NAV2: variants seen among roughly 807,000 people sequenced by gnomAD.
NAV2 encodes neuron navigator 2.
A neutral mutation model predicts 223.2 loss-of-function variants in NAV2; 54 were observed. The observed-to-expected ratio is 0.24, with a 90% CI of 0.19 to 0.30. NAV2 has a LOEUF of 0.30. Among genes scored for constraint, NAV2 ranks in the 10% least tolerant of loss-of-function variants. The pLI is 1.00. For missense variants in NAV2, 2,806 were observed against 3,147.5 expected, an observed-to-expected ratio of 0.89 and a Z score of 2.60; for synonymous variants, 1,279 against 1,239.3, an observed-to-expected ratio of 1.03 and a Z score of -0.67.
At chr11:19,653,944 T>A (rs972644883) in intron 1 of NAV2, among the ~76,000 whole-genome samples, 1 of 152,168 alleles carries the variant, frequency 6.6e-6, no homozygotes, top group Non-Finnish European at 1.5e-5. Context: ...GACCAGGAAG[T>A]CAAATTGTCC....
chr11:20,110,810 A>G (rs971112053), intron 36 of NAV2, among the ~76,000 whole-genome samples: 2 of 152,120 alleles, frequency 1.3e-5, no homozygotes, highest in Non-Finnish European at 2.9e-5. Flanking sequence ...CCTGCCCCTC[A>G]CCTAACCCGG....
chr11:19,753,910 G>A (rs542719975), intron 1 of NAV2, among the ~76,000 whole-genome samples: 2 of 152,204 alleles, frequency 1.3e-5, no homozygotes, highest in Non-Finnish European at 2.9e-5. Flanking sequence ...TTGCTCAGAG[G>A]GAGGGTGGGG....
intron 1 of NAV2, among the ~76,000 whole-genome samples, chr11:19,374,764 G>A (rs1251852362): frequency 6.6e-6 from 1 of 152,072 alleles, no homozygotes; most frequent in Admixed American, 6.5e-5. Flanking sequence ...GGCATATAAC[G>A]TTCTCCCGCT....
intron 1 of NAV2, among the ~76,000 whole-genome samples, chr11:19,519,446 C>T (rs2043572218): frequency 6.6e-6 from 1 of 152,204 alleles, no homozygotes. Flanking sequence ...GGTGGAGCAA[C>T]TGAGGCACAA....
chr11:19,974,145 C>T (rs1441429188), intron 10 of NAV2, among the ~76,000 whole-genome samples: 5 of 152,196 alleles, frequency 3.3e-5, no homozygotes, highest in African/African-American at 4.8e-5. Context: ...ACATTATAGT[C>T]AACTAATTCT....
chr11:19,423,991 C>G lies in NAV2; in HGVS notation c.75+72964C>G, dbSNP rs190525178. On this transcript the variant is annotated intron_variant, in intron 1 of 37. Coordinates refer to the NAV2 transcript ENST00000360655. ...AAGATGACATGTTAATGAAGGATCC[C>G]AGAAAACCACAGGGTCCCCATTTCC... Among the ~76,000 whole-genome samples the G allele has an allele frequency of 3.9e-5, 6 of 152,262 alleles. No individual in the cohort carries two copies. In the East Asian group the frequency reaches 1.2e-3, roughly 29 times the overall value.
chr11:19,427,870 C>T (rs1338783286), intron 1 of NAV2, among the ~76,000 whole-genome samples: 2 of 152,076 alleles, frequency 1.3e-5, no homozygotes, highest in South Asian at 2.1e-4. Flanking sequence ...TGATCATGTA[C>T]TTATTGATTT....
intron 6 of NAV2, among the ~76,000 whole-genome samples, chr11:19,899,793 A>G (rs1030424544): frequency 2.6e-5 from 4 of 152,234 alleles, no homozygotes; most frequent in African/African-American, 4.8e-5. Context: ...AAGGCTGGGA[A>G]AGAATGACTT....
chr11:19,688,235 G>A (rs1407316167), intron 1 of NAV2, among the ~76,000 whole-genome samples: 7 of 152,204 alleles, frequency 4.6e-5, no homozygotes, highest in Non-Finnish European at 1.5e-5. Flanking sequence ...GGTTTTATTG[G>A]CCTTATATTT....
chr11:19,554,459 C>T (rs1373374494), intron 1 of NAV2, among the ~76,000 whole-genome samples: 1 of 152,224 alleles, frequency 6.6e-6, no homozygotes, highest in African/African-American at 2.4e-5. Flanking sequence ...CCTCCCCACT[C>T]ATGGGGTAGG....
intron 1 of NAV2, among the ~76,000 whole-genome samples, chr11:19,567,191 C>T (rs1050785979): frequency 5.9e-5 from 9 of 152,154 alleles, no homozygotes; most frequent in South Asian, 2.1e-4. Flanking sequence ...ACAGGATGAC[C>T]GGGTGCAACT....
intron 1 of NAV2, among the ~76,000 whole-genome samples, chr11:19,447,397 C>T (rs933852616): frequency 3.3e-5 from 5 of 152,166 alleles, no homozygotes; most frequent in African/African-American, 1.2e-4. Context: ...GGTTCAGAGC[C>T]TGGGCTCTGG....
chr11:19,950,558 A>G (rs971282717), intron 10 of NAV2, among the ~76,000 whole-genome samples: 1 of 152,248 alleles, frequency 6.6e-6, no homozygotes, highest in Non-Finnish European at 1.5e-5. Flanking sequence ...CTCTGTGACT[A>G]GAAGTGTTCT....
chr11:20,082,849 C>A lies in NAV2; in HGVS notation c.5326-158C>A, dbSNP rs560882245. 119 of 752,888 alleles carry A rather than the reference C, an allele frequency of 1.6e-4. 1 individual carries two copies. In the African/African-American group the frequency reaches 2.0e-3, roughly 13 times the overall value. The allele number at this position is 752,888 out of a possible 1,614,324, so 46.6% of individuals were successfully genotyped here. A position where few individuals can be genotyped will look rare whatever the true frequency, so the allele number is the denominator to read the frequency against. On this transcript the variant is annotated intron_variant, in intron 25 of 37. Transcript: ENST00000349880. ...GGCAACACCAGATAACTCTTCCTCC[C>A]TTAATGCACTGATTCAAAAGAGCTC...
chr11:20,113,521 G>T (rs1029560042), intron 36 of NAV2, among the ~76,000 whole-genome samples: 1 of 152,088 alleles, frequency 6.6e-6, no homozygotes, highest in Non-Finnish European at 1.5e-5. Flanking sequence ...ATAAAATTAA[G>T]TGATAATATA....
At chr11:20,101,902 A>G (rs569081313) in intron 32 of NAV2, among the ~76,000 whole-genome samples, 1 of 152,306 alleles carries the variant, frequency 6.6e-6, no homozygotes, top group African/African-American at 2.4e-5. Flanking sequence ...GGCCCTATGC[A>G]AAGGGGCCAG....
chr11:20,113,975 T>C (rs1455718131), intron 36 of NAV2, among the ~76,000 whole-genome samples: 1 of 152,208 alleles, frequency 6.6e-6, no homozygotes, highest in Non-Finnish European at 1.5e-5. Context: ...CATGCCACTA[T>C]ACTCCAGCCT....
intron 22 of NAV2, among the ~76,000 whole-genome samples, chr11:20,072,474 A>G (rs9737307): frequency 0.023 from 3,472 of 152,282 alleles, 142 homozygotes; most frequent in African/African-American, 0.08. Flanking sequence ...CTGTGAAGAA[A>G]GTCATTGGTA....
chr11:19,805,830 A>G (rs2058529222), intron 1 of NAV2, among the ~76,000 whole-genome samples: 2 of 152,192 alleles, frequency 1.3e-5, no homozygotes, highest in South Asian at 4.1e-4. Context: ...TCCATTTCAC[A>G]GAAGAGAACA....
Sources: gnomAD v4.1 joint callset for allele counts (sites outside exome capture counted in the v4.1 genomes callset) on GRCh38, gnomAD v4.1.1 for gene constraint, MANE v1.5 for transcripts, NCBI Gene and HGNC (gene_info 2026-07-23, HGNC 2026-07-21) for gene names.